Variants in PHF13 observed in about 807,000 individuals in gnomAD.
PHF13 encodes the protein PHD zinc finger protein PHF5.
A neutral mutation model predicts 25.8 loss-of-function variants in PHF13; 1 was observed. The ratio of observed to expected loss-of-function variants is 0.04; its 90% confidence interval spans 0.01 to 0.18. The LOEUF (loss-of-function observed/expected upper bound fraction) is 0.18, where lower values mean the gene tolerates loss of function less well. Ranked by LOEUF, PHF13 falls within the 10% of genes least tolerant of loss-of-function variation. PHF13 has a pLI of 1.00. For missense variants in PHF13, 306 were observed against 403.2 expected (o/e 0.76, Z 2.06); for synonymous variants, 195 against 162.4 (o/e 1.20, Z -1.53).
intron 1 of PHF13, among the ~76,000 whole-genome samples, chr1:6,614,850 T>TC (rs1307039782): frequency 6.7e-6 from 1 of 148,546 alleles, no homozygotes; most frequent in Admixed American, 6.6e-5. Flanking sequence ...CGCGGTCCCC[T>TC]CCCCCCAGCC....
intron 1 of PHF13, among the ~76,000 whole-genome samples, chr1:6,614,890 C>T (rs922666718): frequency 2.0e-5 from 3 of 150,918 alleles, no homozygotes; most frequent in South Asian, 2.1e-4. Flanking sequence ...GGTGCGGGTC[C>T]GGCGACCGCG....
At chr1:6,615,281 G>C (rs375151746) in intron 1 of PHF13, among the ~76,000 whole-genome samples, 2 of 152,168 alleles carry the variant, frequency 1.3e-5, no homozygotes, top group Non-Finnish European at 2.9e-5. Flanking sequence ...CCCGCCGAAA[G>C]AAAAGTTCTT....
intron 1 of PHF13, 32 bp from the exon 2 acceptor site, chr1:6,616,725 C>G: frequency 6.3e-7 from 1 of 1,582,642 alleles, no homozygotes; most frequent in South Asian, 1.1e-5. Flanking sequence ...GCCTCTCCTT[C>G]AAACACATTC....
At chr1:6,618,061 A>C (rs1489861712) in intron 2 of PHF13, among the ~76,000 whole-genome samples, 1 of 152,182 alleles carries the variant, frequency 6.6e-6, no homozygotes, top group Admixed American at 6.5e-5. Flanking sequence ...AGAACAGGGC[A>C]GGACTGGAGG....
rs1570231072 is a variant in PHF13 at position 6,621,793 on chromosome 1, A to G, written c.*156A>G. The G allele has an allele frequency of 1.3e-6, 1 of 745,144 alleles. No individual in the cohort carries two copies. Among genetic ancestry groups the G allele is most frequent in the East Asian group, 2.7e-5 (1 of 37,222 alleles). The allele number at this position is 745,144 out of a possible 1,614,324, so 46.2% of individuals were successfully genotyped here. ...AAAGGACAGGCTGTCCAAGGTAGAAACTGTACATAGCCGGTGACCGAATGC... is the reference window on the plus strand; with the variant it reads ...AAAGGACAGGCTGTCCAAGGTAGAAGCTGTACATAGCCGGTGACCGAATGC... On this transcript the variant is annotated 3_prime_UTR_variant, in exon 4 of 4. Transcript: ENST00000377648. This position sits in a 1 kb window ranked among gnomAD's most constrained non-coding sequence, Gnocchi z 4.8.
intron 1 of PHF13, among the ~76,000 whole-genome samples, chr1:6,616,459 T>C (rs1055736662): frequency 6.6e-6 from 1 of 152,198 alleles, no homozygotes; most frequent in Admixed American, 6.5e-5. Flanking sequence ...TGGAAACTAA[T>C]AGATAAAGTC....
chr1:6,618,761 C>T (rs1261252892), intron 2 of PHF13, among the ~76,000 whole-genome samples: 1 of 152,156 alleles, frequency 6.6e-6, no homozygotes, highest in African/African-American at 2.4e-5. Flanking sequence ...CTCCCTGCTT[C>T]AGCCTCCCAA....
intron 2 of PHF13, 32 bp from the exon 3 acceptor site, chr1:6,619,771 G>A: frequency 6.4e-7 from 1 of 1,560,360 alleles, no homozygotes; most frequent in Non-Finnish European, 8.7e-7. Flanking sequence ...CTTGTCACCA[G>A]TAACTGGAAT....
At chr1:6,616,882 C>T (rs773492599) in intron 2 of PHF13, 24 bp downstream of exon 2, 19 of 1,599,616 alleles carry the variant, frequency 1.2e-5, no homozygotes, top group Non-Finnish European at 1.2e-5. Flanking sequence ...TTTCTGAGAC[C>T]TTTCTTGATG....
rs1641330209 is a variant in PHF13 at position 6,621,027 on chromosome 1, C to T, written c.677-384C>T. The stretch of plus-strand genomic sequence containing the variant: ...AGCCTGGGCGACAGCAAAACTCCGT[C>T]TCAAGAAAAAAAAAAAAAACAATAG... On this transcript the variant is annotated intron_variant, in intron 3 of 3. Coordinates refer to ENST00000377648, the MANE Select transcript of PHF13 (RefSeq NM_153812.3). This position sits in a 1 kb window ranked among gnomAD's most constrained non-coding sequence, Gnocchi z 4.8. Among the ~76,000 whole-genome samples the T allele has an allele frequency of 1.0e-5, 1 of 100,336 alleles. No homozygotes were observed. Among genetic ancestry groups the T allele is most frequent in the Non-Finnish European group, 2.2e-5 (1 of 45,988 alleles). The allele number at this position is 100,336 out of a possible 152,430, so 65.8% of individuals were successfully genotyped here.
intron 2 of PHF13, among the ~76,000 whole-genome samples, chr1:6,617,312 C>T (rs959397442): frequency 6.6e-6 from 1 of 152,210 alleles, no homozygotes; most frequent in Admixed American, 6.5e-5. Flanking sequence ...TCTCGAACTC[C>T]TGACCTCAGG....
intron 3 of PHF13, among the ~76,000 whole-genome samples, chr1:6,620,715 G>T (rs1641325958): frequency 6.6e-6 from 1 of 151,980 alleles, no homozygotes; most frequent in Admixed American, 6.6e-5. Context: ...GCAAAGCCCT[G>T]TCACTGCAAA....
chr1:6,616,760 T>G lies in PHF13; in HGVS notation c.43T>G (p.Tyr15Asp), dbSNP rs1041905131. Residue 15 changes from tyrosine to aspartate, a missense_variant, in exon 2 of 4, where the codon TAC becomes GAC. Physicochemically the swap from Tyr to Asp is radical, Grantham distance 160. This residue lies in a region of PHF13 where 31 missense variants were observed against 23.9 expected (regional missense o/e 1.30). Transcript: ENST00000377648. ...CCCTTTTCTCTCCCCTTAATAGGAA[T>G]ACTCCCCCAGTTGCAAGAGGCGCAG... ...SCAAAFHPEEYSPSCKRRRTV... is the reference protein window; with the variant it reads ...SCAAAFHPEEDSPSCKRRRTV... 1.2e-6 allele frequency: 2 copies of G among 1,613,542 alleles called. No individual in the cohort carries two copies. Among genetic ancestry groups the G allele is most frequent in the Non-Finnish European group, 1.7e-6 (2 of 1,179,424 alleles).
At position 6,615,225 on chromosome 1, in the gene PHF13, C is replaced by G. The variant is rs929616820; in HGVS notation, c.39+1120C>G. ...CGCGCCCCCGGCCCGAGGCCGTCGC[C>G]GCCCTCCACTTGGCATTCGGGTTTT... On this transcript the variant is annotated intron_variant, in intron 1 of 3. Transcript: ENST00000377648. Among the ~76,000 whole-genome samples the G allele has an allele frequency of 5.1e-4, 78 of 152,174 alleles. 1 individual carries two copies. Among genetic ancestry groups the G allele is most frequent in the African/African-American group, 1.8e-3 (73 of 41,544 alleles).
chr1:6,621,625 G>A lies in PHF13; in HGVS notation c.891G>A (p.Leu297=). ...GCTCGCGGACGGGCTCCCGGAAGCT[G>A]TTCCTGGACTGACTGCTGGCTGGCG... is the stretch of plus-strand genomic sequence containing the variant. The part of the protein sequence containing the change: ...SNRSRTGSRK[L]FLD Residue 297 remains leucine (L), a synonymous_variant, in exon 4 of 4, where the codon CTG becomes CTA. Transcript: ENST00000377648. The surrounding 1 kb of genome is among the most constrained non-coding windows in gnomAD (Gnocchi z 4.8). 6.2e-7 allele frequency: 1 copy of A among 1,614,142 alleles called. No homozygotes were observed. The highest frequency in any genetic ancestry group is 1.1e-5 in the South Asian group (1 of 91,082).
At chr1:6,616,593 AT>A (rs1641264235) in intron 1 of PHF13, among the ~76,000 whole-genome samples, 163 bp from the exon 2 acceptor site, 1 of 152,112 alleles carries the variant, frequency 6.6e-6, no homozygotes, top group African/African-American at 2.4e-5. Flanking sequence ...AAATAGTGTT[AT>A]TTCTTGACCT....
At chr1:6,620,474 A>G (rs1641322071) in intron 3 of PHF13, 137 bp downstream of exon 3, 1 of 997,866 alleles carries the variant, frequency 1.0e-6, no homozygotes, top group Admixed American at 2.9e-5. Context: ...TCCAAGGAGG[A>G]GAAAAGCTGC....
In PHF13 at chr1:6,616,941, G is replaced by A. The variant is rs938109319; in HGVS notation, c.141+83G>A. 8.7e-6 allele frequency: 10 copies of A among 1,149,292 alleles called. No homozygotes were observed. In the African/African-American group the frequency reaches 1.1e-4, roughly 12 times the overall value. The allele number at this position is 1,149,292 out of a possible 1,614,324, so 71.2% of individuals were successfully genotyped here. On this transcript the variant is annotated intron_variant, in intron 2 of 3. Coordinates refer to ENST00000377648, the MANE Select transcript of PHF13 (RefSeq NM_153812.3). ...CCGCAAGTTCGTGGGCTTCTGACTGGTCAGAGGGTCAGTAGGTTTGGAAGG... is the reference window on the plus strand; with the variant it reads ...CCGCAAGTTCGTGGGCTTCTGACTGATCAGAGGGTCAGTAGGTTTGGAAGG...
Position 6,613,898 on chromosome 1 carries a change from C to T in PHF13, c.-169C>T. ...CGGTGGAACCGCCAGTCCGGGGTCA[C>T]AGAGCTTGAGAAGCGACGCGCTGAG... On this transcript the variant is annotated 5_prime_UTR_variant, in exon 1 of 4. Coordinates refer to ENST00000377648, the MANE Select transcript of PHF13 (RefSeq NM_153812.3). 1 of 531,480 alleles carries T rather than the reference C, an allele frequency of 1.9e-6. No individual in the cohort carries two copies. The highest frequency in any genetic ancestry group is 3.3e-6 in the Non-Finnish European group (1 of 305,174). 32.9% of individuals were successfully genotyped at this position (531,480 alleles called of 1,614,324 possible). A position where few individuals can be genotyped will look rare whatever the true frequency, so the allele number is the denominator to read the frequency against.
Sources: gnomAD v4.1 joint callset for allele counts (sites outside exome capture counted in the v4.1 genomes callset) on GRCh38, gnomAD v4.1.1 for gene constraint, gnomAD v4.1.1 regional missense constraint, Gnocchi (gnomAD v3.1) non-coding constraint, MANE v1.5 for transcripts, NCBI Gene and HGNC (gene_info 2026-07-23, HGNC 2026-07-21) for gene names.